The following ZNF358 variants were observed in gnomAD, a reference collection of about 807,000 sequenced individuals.
ZNF358 encodes zinc finger protein 358.
ZNF358 carries 1 observed loss-of-function variant against 2.1 expected under a neutral mutation model. The ratio of observed to expected loss-of-function variants is 0.49; its 90% CI spans 0.17 to 2.30. The LOEUF is 2.30. Among genes scored for constraint, ZNF358 ranks in the 30% most tolerant of loss-of-function variants. The pLI is 0.26. For synonymous variants in ZNF358, 381 were observed against 359.7 expected (o/e 1.06, Z -0.67); for missense variants, 665 against 806.8 (o/e 0.82, Z 2.13).
rs1052831400 is a variant in ZNF358, at chr19:7,520,612, G to T, written c.1370G>T (p.Ser457Ile). The change falls in exon 2 of 2, where the codon AGC becomes ATC. Residue 457 changes from serine (S) to isoleucine (I), a missense_variant. Ser to Ile is a moderately radical substitution (Grantham distance 142, BLOSUM62 -2). Transcript: ENST00000597229. The surrounding 1 kb of genome is among the most constrained non-coding windows in gnomAD (Gnocchi z 6.0). ...GGCTTGGGCCTCAGCCCTGGCACCA[G>T]CTCTGGCCGCAACCCTGACCCTGGC... ...GSGLGLSPGTSSGRNPDPGSG... is the reference protein window; with the variant it reads ...GSGLGLSPGTISGRNPDPGSG... 1.3e-6 allele frequency: 2 copies of T among 1,488,206 alleles called. No individual in the cohort carries two copies. Among genetic ancestry groups the T allele is most frequent in the Non-Finnish European group, 1.8e-6 (2 of 1,087,836 alleles). The allele number at this position is 1,488,206 out of a possible 1,614,324, so 92.2% of individuals were successfully genotyped here.
chr19:7,518,016 AC>A (rs1383796632), intron 1 of ZNF358, among the ~76,000 whole-genome samples: 1 of 152,192 alleles, frequency 6.6e-6, no homozygotes, highest in Non-Finnish European at 1.5e-5. Context: ...AAACGCTGAC[AC>A]CCACACTGTT....
Position 7,520,665 on chromosome 19 carries a change from A to G in ZNF358, c.1423A>G (p.Ser475Gly), listed in dbSNP as rs1475412502. The G allele has an allele frequency of 6.2e-7, 1 of 1,606,792 alleles. No homozygotes were observed. The highest frequency in any genetic ancestry group is 8.5e-7 in the Non-Finnish European group (1 of 1,175,876). The part of the protein sequence containing the change: ...GSGPGTLPDP[S>G]SKPLPGSRST... ...TGGGCCGGGCACTCTGCCGGATCCC[A>G]GCTCCAAACCCCTCCCCGGCTCCAG... is the stretch of plus-strand genomic sequence containing the variant. The change falls in exon 2 of 2, where the codon AGC (serine) becomes GGC (glycine). Residue 475 changes from serine to glycine, a missense_variant. Coordinates refer to ENST00000597229, the MANE Select transcript of ZNF358 (RefSeq NM_018083.5). This position sits in a 1 kb window ranked among gnomAD's most constrained non-coding sequence, Gnocchi z 6.0.
Position 7,516,731 on chromosome 19 carries a change from C to G in ZNF358, c.-39+482C>G, listed in dbSNP as rs559616180. Among the ~76,000 whole-genome samples, 3 of 152,186 alleles carry G rather than the reference C, an allele frequency of 2.0e-5. No homozygotes were observed. The East Asian group carries it at 5.8e-4, about 30-fold the overall frequency. ...TCCCAGCGATTGTTCCCTTGCCCCT[C>G]CAGTCTTGGGGTCTGCAGTTCTGGA... On this transcript the variant is annotated intron_variant, in intron 1 of 1. Transcript: ENST00000597229. The surrounding 1 kb of genome is among the most constrained non-coding windows in gnomAD (Gnocchi z 5.9).
Position 7,520,448 on chromosome 19 carries a change from T to TGCTGCA in ZNF358, c.1212_1217dup (p.Ala415_Ala416dup). On this transcript the variant is annotated inframe_insertion, in exon 2 of 2. Transcript: ENST00000597229. This position sits in a 1 kb window ranked among gnomAD's most constrained non-coding sequence, Gnocchi z 6.0. ...AACGGGTGCATGAGGGTGCAGCCGC[T>TGCTGCA]GCTGCAGCTGCCGCGGCCGCTGCAG... 1.5e-6 allele frequency: 2 copies of TGCTGCA among 1,331,822 alleles called. No homozygotes were observed. Among genetic ancestry groups the TGCTGCA allele is most frequent in the African/African-American group, 3.2e-5 (2 of 62,278 alleles). The allele number at this position is 1,331,822 out of a possible 1,614,324, so 82.5% of individuals were successfully genotyped here.
intron 1 of ZNF358, among the ~76,000 whole-genome samples, chr19:7,517,243 C>T (rs1005436244): frequency 6.6e-6 from 1 of 152,122 alleles, no homozygotes; most frequent in African/African-American, 2.4e-5. Context: ...TAGCCACAAG[C>T]TGGCAATTCA....
Position 7,519,879 on chromosome 19 carries a change from G to C in ZNF358, c.637G>C (p.Gly213Arg). 3 of 1,530,402 alleles carry C rather than the reference G, an allele frequency of 2.0e-6. No individual in the cohort carries two copies. The highest frequency in any genetic ancestry group is 2.6e-6 in the Non-Finnish European group (3 of 1,144,766). The allele number at this position is 1,530,402 out of a possible 1,614,324, so 94.8% of individuals were successfully genotyped here. ...GARPYQCAAC[G>R]KAFGWRSTLL... ...GCGGCCGTACCAGTGCGCGGCCTGCGGCAAGGCCTTCGGCTGGCGCTCCAC... is the reference window on the plus strand; with the variant it reads ...GCGGCCGTACCAGTGCGCGGCCTGCCGCAAGGCCTTCGGCTGGCGCTCCAC... Residue 213 changes from glycine to arginine, a missense_variant, in exon 2 of 2, where the codon GGC becomes CGC. Physicochemically the swap from Gly to Arg is moderately radical, Grantham distance 125. Around this residue, in one of 3 missense-constraint regions of ZNF358, gnomAD observed 210 missense variants for 350.8 expected, o/e 0.60. Coordinates refer to ENST00000597229, the MANE Select transcript of ZNF358 (RefSeq NM_018083.5).
rs1450624721 is a variant in ZNF358, at chr19:7,520,456, C to A, written c.1214C>A (p.Ala405Asp). The change falls in exon 2 of 2, where the codon GCT (alanine) becomes GAT (aspartate). Residue 405 changes from alanine to aspartate, a missense_variant. Around this residue, in one of 3 missense-constraint regions of ZNF358, gnomAD observed 249 missense variants for 227.6 expected, o/e 1.09. Transcript: ENST00000597229. This position sits in a 1 kb window ranked among gnomAD's most constrained non-coding sequence, Gnocchi z 6.0. ...RVHEGAAAAA[A>D]AAAAAAAAAA... ...CATGAGGGTGCAGCCGCTGCTGCAG[C>A]TGCCGCGGCCGCTGCAGCTGCAGCA... The A allele has an allele frequency of 3.0e-6, 4 of 1,331,738 alleles. No homozygotes were observed. The highest frequency in any genetic ancestry group is 4.0e-6 in the Non-Finnish European group (4 of 1,011,116). 82.5% of individuals were successfully genotyped at this position (1,331,738 alleles called of 1,614,324 possible).
intron 1 of ZNF358, among the ~76,000 whole-genome samples, chr19:7,518,475 AAAG>A (rs1211010232): frequency 6.6e-6 from 1 of 150,774 alleles, no homozygotes; most frequent in Non-Finnish European, 1.5e-5. Flanking sequence ...GAGAGAAAGG[AAAG>A]AAGGAAGGAA....
upstream of ZNF358, among the ~76,000 whole-genome samples, chr19:7,515,728 A>T (rs79313324): frequency 0.083 from 12,622 of 152,110 alleles, 585 homozygotes; most frequent in Middle Eastern, 0.099. Flanking sequence ...AGGCAAAGAG[A>T]TTGGAACACA....
At chr19:7,514,922 C>T (rs964527977), upstream of ZNF358, among the ~76,000 whole-genome samples, 1 of 152,182 alleles carries the variant, frequency 6.6e-6, no homozygotes, top group Admixed American at 6.6e-5. Context: ...TGAGCTACCG[C>T]ACCCAGCCTA....
rs200118318 is a variant in ZNF358 at position 7,519,468 on chromosome 19, G to C, written c.226G>C (p.Glu76Gln). The stretch of plus-strand genomic sequence containing the variant: ...CTCGGAGGATCTGGACCCCGACGCC[G>C]AAGCTCCGGGCTCGGAACCCCAAGA... ...PVSEDLDPDA[E>Q]APGSEPQDPD... is the part of the protein sequence containing the mutation. The change falls in exon 2 of 2, where the codon GAA becomes CAA. Residue 76 changes from glutamate (E) to glutamine (Q), a missense_variant. By Grantham distance (29) the Glu-to-Gln change is conservative. This residue lies in a region of ZNF358 where 206 missense variants were observed against 228.4 expected (regional missense o/e 0.90). Transcript: ENST00000597229. 1.2e-6 allele frequency: 2 copies of C among 1,613,836 alleles called. No individual in the cohort carries two copies. The highest frequency in any genetic ancestry group is 2.2e-5 in the South Asian group (2 of 91,074).
At chr19:7,514,288 CAT>C (rs1261422805), upstream of ZNF358, among the ~76,000 whole-genome samples, 2 of 152,302 alleles carry the variant, frequency 1.3e-5, no homozygotes, top group Non-Finnish European at 2.9e-5. Context: ...GTGTTAGACA[CAT>C]GTGCATCTGG....
rs1400964310 is a variant in ZNF358 at position 7,520,040 on chromosome 19, G to A, written c.798G>A (p.Pro266=). The A allele has an allele frequency of 1.3e-6, 2 of 1,547,654 alleles. No individual in the cohort carries two copies. Among genetic ancestry groups the A allele is most frequent in the Middle Eastern group, 1.8e-4 (1 of 5,514 alleles). The change falls in exon 2 of 2, where the codon CCG becomes CCA. Residue 266 remains proline (P), a synonymous_variant. Coordinates refer to ENST00000597229, the MANE Select transcript of ZNF358 (RefSeq NM_018083.5). The surrounding 1 kb of genome is among the most constrained non-coding windows in gnomAD (Gnocchi z 6.0). ...GCGGCCCGCGGCCCCACAAGTGCCC[G>A]GTGTGCGCCAAGGGCTTCGGCCAGG... ...THGGPRPHKC[P]VCAKGFGQGS...
chr19:7,519,095 G>A, intron 1 of ZNF358, 110 bp from the exon 2 acceptor site: 1 of 1,173,362 alleles, frequency 8.5e-7, no homozygotes, highest in Non-Finnish European at 1.1e-6. Context: ...AAAGAAGTGG[G>A]TTCTGGGGGC....
In ZNF358 at chr19:7,519,612, T is replaced by A; in HGVS notation, c.370T>A (p.Ser124Thr). The A allele has an allele frequency of 6.3e-7, 1 of 1,597,558 alleles. No homozygotes were observed. The highest frequency in any genetic ancestry group is 8.5e-7 in the Non-Finnish European group (1 of 1,178,826). ...CGGCGATCCAAAAGTGGACCCCATC[T>A]CCTCTGGCCTCACTGCCACCCCCCA... ...SPGDPKVDPI[S>T]SGLTATPQVL... is the part of the protein sequence containing the mutation. The change falls in exon 2 of 2, where the codon TCC becomes ACC. Residue 124 changes from serine (S) to threonine (T), a missense_variant. Physicochemically the swap from Ser to Thr is moderately conservative, Grantham distance 58. Around this residue, in one of 3 missense-constraint regions of ZNF358, gnomAD observed 206 missense variants for 228.4 expected, o/e 0.90. Coordinates refer to ENST00000597229, the MANE Select transcript of ZNF358 (RefSeq NM_018083.5).
At position 7,520,039 on chromosome 19, in the gene ZNF358, C is replaced by G; in HGVS notation, c.797C>G (p.Pro266Arg). 6.5e-7 allele frequency: 1 copy of G among 1,546,636 alleles called. No homozygotes were observed. Reference protein sequence around the residue: ...THGGPRPHKCPVCAKGFGQGS... With the variant: ...THGGPRPHKCRVCAKGFGQGS... ...GGCGGCCCGCGGCCCCACAAGTGCCCGGTGTGCGCCAAGGGCTTCGGCCAG... is the reference window on the plus strand; with the variant it reads ...GGCGGCCCGCGGCCCCACAAGTGCCGGGTGTGCGCCAAGGGCTTCGGCCAG... The change falls in exon 2 of 2, where the codon CCG (proline) becomes CGG (arginine). Residue 266 changes from proline (P) to arginine (R), a missense_variant. Physicochemically the swap from Pro to Arg is moderately radical, Grantham distance 103. This residue lies in a region of ZNF358 where 210 missense variants were observed against 350.8 expected (regional missense o/e 0.60). Transcript: ENST00000597229. The surrounding 1 kb of genome is among the most constrained non-coding windows in gnomAD (Gnocchi z 6.0).
At chr19:7,518,545 A>AAGAGAGAG (rs58248587) in intron 1 of ZNF358, among the ~76,000 whole-genome samples, 1 of 109,412 alleles carries the variant, frequency 9.1e-6, no homozygotes, top group African/African-American at 3.5e-5. Flanking sequence ...GAAAGAAAGA[A>AAGAGAGAG]AGAGAGAGAG....
rs559547974 is a variant in ZNF358, at chr19:7,517,651, A to G, written c.-39+1402A>G. Among the ~76,000 whole-genome samples, 5 of 151,908 alleles carry G rather than the reference A, an allele frequency of 3.3e-5. No individual in the cohort carries two copies. The South Asian group carries it at 8.3e-4, about 25-fold the overall frequency. ...TGAGTCTCCCTACCCATCCCTCCTC[A>G]CCAGGAGGGGTCCCAAATATCACTC... On this transcript the variant is annotated intron_variant, in intron 1 of 1. Coordinates refer to ENST00000597229, the MANE Select transcript of ZNF358 (RefSeq NM_018083.5).
chr19:7,519,064 CAAAA>C (rs397859220), intron 1 of ZNF358, 137 bp from the exon 2 acceptor site: 7,800 of 569,428 alleles, frequency 0.014, no homozygotes, highest in South Asian at 0.026. Flanking sequence ...GACCCCATCT[CAAAA>C]AAAAAAAAAA....
Sources: gnomAD v4.1 joint callset for allele counts (sites outside exome capture counted in the v4.1 genomes callset) on GRCh38, gnomAD v4.1.1 for gene constraint, gnomAD v4.1.1 regional missense constraint, Gnocchi (gnomAD v3.1) non-coding constraint, MANE v1.5 for transcripts, NCBI Gene and HGNC (gene_info 2026-07-23, HGNC 2026-07-21) for gene names.